Variants in CCDC141 observed in about 807,000 individuals in gnomAD.
CCDC141 encodes the protein coiled-coil domain containing 141, also known as coiled-coil domain-containing protein 141.
In CCDC141, 168 loss-of-function variants were observed where a neutral mutation model predicts 181.0. The observed-to-expected ratio is 0.93, with a 90% CI of 0.82 to 1.05. CCDC141 has a LOEUF of 1.05. CCDC141 is among the 50% of genes least tolerant of loss of function. The pLI, the probability that CCDC141 is intolerant of heterozygous loss-of-function variation, is 0.00. For missense variants in CCDC141, 1,902 were observed against 1,788.5 expected (o/e 1.06, Z -1.14); for synonymous variants, 666 against 642.3 (o/e 1.04, Z -0.56).
At chr2:178,908,017 AT>A (rs1688052955) in intron 7 of CCDC141, among the ~76,000 whole-genome samples, 2 of 152,192 alleles carry the variant, frequency 1.3e-5, no homozygotes, top group South Asian at 2.1e-4. Flanking sequence ...AAAAAAAAAA[AT>A]AAACAATGAA....
intron 2 of CCDC141, among the ~76,000 whole-genome samples, chr2:179,022,954 A>G (rs377701125): frequency 1.3e-5 from 2 of 152,174 alleles, no homozygotes; most frequent in African/African-American, 4.8e-5. Context: ...AGTGACGCGT[A>G]CCATCCCTAT....
At chr2:178,942,967 C>T (rs1422011343) in intron 6 of CCDC141, among the ~76,000 whole-genome samples, 1 of 152,116 alleles carries the variant, frequency 6.6e-6, no homozygotes, top group African/African-American at 2.4e-5. Flanking sequence ...AAACTGTGCC[C>T]TACTAAGGTC....
chr2:178,838,402 T>A (rs1356875616), intron 22 of CCDC141, among the ~76,000 whole-genome samples: 1 of 152,158 alleles, frequency 6.6e-6, no homozygotes, highest in Admixed American at 6.5e-5. Flanking sequence ...AACCCCCTAA[T>A]CTTTTGTCTT....
chr2:178,914,722 T>G (rs1364525389), intron 7 of CCDC141, among the ~76,000 whole-genome samples: 1 of 152,236 alleles, frequency 6.6e-6, no homozygotes, highest in East Asian at 1.9e-4. Flanking sequence ...GAACAATGCC[T>G]GACACATAGC....
At chr2:178,893,199 G>T (rs1385915303) in intron 8 of CCDC141, among the ~76,000 whole-genome samples, 2 of 148,850 alleles carry the variant, frequency 1.3e-5, no homozygotes, top group African/African-American at 4.9e-5. Flanking sequence ...AGAGGGAAGT[G>T]GAGGGGGAAG....
At chr2:179,046,623 C>T (rs545795963) in intron 2 of CCDC141, among the ~76,000 whole-genome samples, 1 of 152,312 alleles carries the variant, frequency 6.6e-6, no homozygotes, top group South Asian at 2.1e-4. Flanking sequence ...GAATAAAAAA[C>T]ACCATGATGG....
chr2:178,937,215 T>C (rs929174181), intron 6 of CCDC141, among the ~76,000 whole-genome samples: 3 of 152,224 alleles, frequency 2.0e-5, no homozygotes, highest in African/African-American at 4.8e-5. Flanking sequence ...CAGTATAATG[T>C]TGGCTGTGGG....
chr2:178,970,163 G>A (rs562190335), intron 4 of CCDC141, among the ~76,000 whole-genome samples: 2 of 152,306 alleles, frequency 1.3e-5, no homozygotes, highest in African/African-American at 4.8e-5. Context: ...TCACGGATAG[G>A]AAGAATCAAT....
At chr2:178,963,975 T>C (rs1053891316) in intron 4 of CCDC141, among the ~76,000 whole-genome samples, 6 of 152,096 alleles carry the variant, frequency 3.9e-5, no homozygotes, top group African/African-American at 1.4e-4. Context: ...GTCAATTTCT[T>C]TGGAAAAAAG....
intron 4 of CCDC141, among the ~76,000 whole-genome samples, chr2:178,973,842 TG>T (rs1691006600): frequency 6.6e-6 from 1 of 152,234 alleles, no homozygotes; most frequent in African/African-American, 2.4e-5. Flanking sequence ...ACCCATCTGT[TG>T]CCTTCCAGTC....
At chr2:178,928,921 T>C (rs768178961) in intron 6 of CCDC141, among the ~76,000 whole-genome samples, 4 of 152,196 alleles carry the variant, frequency 2.6e-5, no homozygotes, top group East Asian at 3.8e-4. Context: ...TTCAATACTA[T>C]TTGTATATAT....
At chr2:178,943,690 T>C (rs1377922099) in intron 6 of CCDC141, among the ~76,000 whole-genome samples, 2 of 152,120 alleles carry the variant, frequency 1.3e-5, no homozygotes, top group African/African-American at 4.8e-5. Context: ...CCATCTACTA[T>C]GACGGACTTC....
Position 179,003,742 on chromosome 2 carries a change from A to G in CCDC141, c.226-25067T>C, listed in dbSNP as rs577828704. On this transcript the variant is annotated intron_variant, in intron 2 of 23. Coordinates refer to ENST00000443758, the MANE Select transcript of CCDC141 (RefSeq NM_173648.4). Reference sequence around the variant, plus strand: ...GTCTACATGGAATGCCAATCATGATAGCTTGCAATGACAATTTCAGAAATG... The same window carrying G: ...GTCTACATGGAATGCCAATCATGATGGCTTGCAATGACAATTTCAGAAATG... Among the ~76,000 whole-genome samples, 4 of 152,336 alleles carry G rather than the reference A, an allele frequency of 2.6e-5. No individual in the cohort carries two copies. In the East Asian group the frequency reaches 7.7e-4, roughly 29 times the overall value.
intron 21 of CCDC141, among the ~76,000 whole-genome samples, chr2:178,849,666 C>A (rs1308588916): frequency 6.6e-6 from 1 of 151,986 alleles, no homozygotes; most frequent in Non-Finnish European, 1.5e-5. Context: ...CTTGTATTTT[C>A]TCTGGTGCCA....
intron 12 of CCDC141, chr2:178,876,896 G>T (rs1336136718): frequency 6.6e-6 from 1 of 152,118 alleles, no homozygotes; most frequent in Non-Finnish European, 1.5e-5. Flanking sequence ...GTATAATATG[G>T]GAGAGACATG....
rs1306086096 is a variant in CCDC141 at position 178,868,161 on chromosome 2, C to T, written c.2439G>A (p.Gln813=). The change falls in exon 16 of 24, where the codon CAG becomes CAA. Residue 813 remains glutamine, a synonymous_variant. Transcript: ENST00000443758. ...IKSRELEFVE[Q]PKELGDAHDV... ...CATGGGCATCACCCAGTTCCTTCGG[C>T]TGCTCTACAAACTCCAGCTCTCTTG... 6.2e-7 allele frequency: 1 copy of T among 1,613,904 alleles called. No homozygotes were observed.
Position 178,985,200 on chromosome 2 carries a change from C to T in CCDC141, c.226-6525G>A, listed in dbSNP as rs1187367235. On this transcript the variant is annotated intron_variant, in intron 2 of 23. Transcript: ENST00000443758. ...CTCAACGACATGGAAACTGAAGAAC[C>T]TGCTCCTGAATGACTACTGGGTACA... 5.9e-5 allele frequency among the ~76,000 whole-genome samples: 9 copies of T among 151,562 alleles called. 1 individual carries two copies. The highest frequency in any genetic ancestry group is 2.2e-4 in the African/African-American group (9 of 41,462).
chr2:178,933,615 T>C (rs147358316), intron 6 of CCDC141, among the ~76,000 whole-genome samples: 1 of 152,328 alleles, frequency 6.6e-6, no homozygotes, highest in Non-Finnish European at 1.5e-5. Context: ...CAAACCGCAG[T>C]AGTTTCTTAA....
chr2:179,041,487 G>A (rs1489491930), intron 2 of CCDC141, among the ~76,000 whole-genome samples: 12 of 102,290 alleles, frequency 1.2e-4, no homozygotes, highest in Admixed American at 5.5e-4. Context: ...CGGGTTGGTT[G>A]TGGGTTTTTT....
Sources: allele counts gnomAD v4.1 joint callset (sites outside exome capture counted in the v4.1 genomes callset), GRCh38; gene constraint gnomAD v4.1.1; transcripts MANE v1.5; gene names NCBI Gene and HGNC (gene_info 2026-07-23, HGNC 2026-07-21).